The following CACNA1A variants were observed in gnomAD, a reference collection of about 807,000 sequenced individuals.
CACNA1A encodes the protein voltage-dependent P/Q-type calcium channel subunit alpha-1A.
A neutral mutation model predicts 262.4 loss-of-function variants in CACNA1A; 57 were observed. That is an observed-to-expected ratio of 0.22 (90% CI 0.18 to 0.27). The LOEUF (loss-of-function observed/expected upper bound fraction) is 0.27, where lower values mean the gene tolerates loss of function less well. Ranked by LOEUF, CACNA1A falls within the 10% of genes least tolerant of loss-of-function variation. CACNA1A has a pLI of 1.00. For synonymous variants in CACNA1A, 1,431 were observed against 1,419.3 expected (o/e 1.01, Z -0.18); for missense variants, 2,526 against 3,562.8 (o/e 0.71, Z 7.41).
intron 5 of CACNA1A, among the ~76,000 whole-genome samples, chr19:13,360,265 G>GTGTGTATA (rs941666561): frequency 2.8e-4 from 35 of 124,222 alleles, no homozygotes; most frequent in African/African-American, 1.1e-3. Flanking sequence ...GTGTGTGTGT[G>GTGTGTATA]TATATATATA....
chr19:13,446,120 C>CA (rs1162036614), intron 3 of CACNA1A, among the ~76,000 whole-genome samples: 2 of 151,774 alleles, frequency 1.3e-5, no homozygotes, highest in Non-Finnish European at 2.9e-5. Flanking sequence ...ACTAAAAATA[C>CA]AAAAATTAGC....
chr19:13,420,629 G>T (rs1288620958), intron 3 of CACNA1A, among the ~76,000 whole-genome samples: 1 of 152,238 alleles, frequency 6.6e-6, no homozygotes, highest in East Asian at 1.9e-4. Flanking sequence ...AGTTGTCAAG[G>T]TGGCTCTGCT....
At chr19:13,456,481 G>A (rs995005799) in intron 1 of CACNA1A, among the ~76,000 whole-genome samples, 6 of 151,942 alleles carry the variant, frequency 3.9e-5, no homozygotes, top group Non-Finnish European at 7.4e-5. Flanking sequence ...GACCATCCTG[G>A]CTAACACGGT....
intron 22 of CACNA1A, among the ~76,000 whole-genome samples, chr19:13,278,464 T>C (rs2057204531): frequency 6.6e-6 from 1 of 152,186 alleles, no homozygotes; most frequent in Non-Finnish European, 1.5e-5. Flanking sequence ...AAATAACACT[T>C]TCCCAGTGAG....
chr19:13,464,739 G>A (rs191774973), intron 1 of CACNA1A, among the ~76,000 whole-genome samples: 2,005 of 149,926 alleles, frequency 0.013, 15 homozygotes, highest in Non-Finnish European at 0.019. Flanking sequence ...TAGTAGAGAC[G>A]GGGTTTCACC....
intron 1 of CACNA1A, among the ~76,000 whole-genome samples, chr19:13,485,547 A>G (rs1348425145): frequency 6.6e-6 from 1 of 152,182 alleles, no homozygotes; most frequent in Non-Finnish European, 1.5e-5. Flanking sequence ...AAAGTGACCT[A>G]ATCAAAAATG....
At chr19:13,329,136 C>G (rs1490370415) in intron 10 of CACNA1A, among the ~76,000 whole-genome samples, 1 of 152,200 alleles carries the variant, frequency 6.6e-6, no homozygotes, top group Non-Finnish European at 1.5e-5. Flanking sequence ...AACATCATCA[C>G]AGCCAATGAA....
Position 13,207,732 on chromosome 19 carries a change from C to A in CACNA1A, c.7102G>T (p.Glu2368Ter). 1 of 1,369,994 alleles carries A rather than the reference C, an allele frequency of 7.3e-7. No individual in the cohort carries two copies. Among genetic ancestry groups the A allele is most frequent in the Non-Finnish European group, 9.4e-7 (1 of 1,068,360 alleles). 84.9% of individuals were successfully genotyped at this position (1,369,994 alleles called of 1,614,324 possible). A position where few individuals can be genotyped will look rare whatever the true frequency, so the allele number is the denominator to read the frequency against. The change falls in exon 47 of 47, where the codon GAG (glutamate) becomes TAG (stop). Residue 2368 changes from glutamate to a stop codon, truncating the protein, a stop_gained. Coordinates refer to ENST00000360228, the MANE Select transcript of CACNA1A (RefSeq NM_001127222.2). LOFTEE classifies it low-confidence loss of function (END_TRUNC). This position sits in a 1 kb window ranked among gnomAD's most constrained non-coding sequence, Gnocchi z 5.7. ...GHSSGRSPRM[E>*]RRVPGPARSE... Reference sequence around the variant, plus strand: ...CGGGCCGGGCCTGGGACCCGCCTCTCCATCCTGGGCGAGCGGCCGCTGCTG... The same window carrying A: ...CGGGCCGGGCCTGGGACCCGCCTCTACATCCTGGGCGAGCGGCCGCTGCTG...
At chr19:13,322,116 G>T (rs12459531) in intron 10 of CACNA1A, among the ~76,000 whole-genome samples, 88,011 of 150,318 alleles carry the variant, frequency 0.59, 28,230 homozygotes, top group East Asian at 0.96. Context: ...GTGGGAGGAC[G>T]GCATGAGCCT....
intron 1 of CACNA1A, among the ~76,000 whole-genome samples, chr19:13,493,633 G>T (rs987942407): frequency 1.3e-5 from 2 of 152,210 alleles, no homozygotes; most frequent in Admixed American, 1.3e-4. Flanking sequence ...TCCTTCTACA[G>T]ATTCAAAGAA....
chr19:13,313,982 G>A (rs1024477463), intron 11 of CACNA1A, among the ~76,000 whole-genome samples: 1 of 152,182 alleles, frequency 6.6e-6, no homozygotes, highest in African/African-American at 2.4e-5. Flanking sequence ...ATCCTGTGTT[G>A]TGAGTGACCT....
chr19:13,398,773 T>C (rs528254120), intron 3 of CACNA1A, among the ~76,000 whole-genome samples: 24 of 152,236 alleles, frequency 1.6e-4, no homozygotes, highest in Non-Finnish European at 3.4e-4. Flanking sequence ...TGATCATTCA[T>C]GAGAAGTGCT....
chr19:13,388,655 C>T (rs1001991864), intron 3 of CACNA1A, among the ~76,000 whole-genome samples: 6 of 152,082 alleles, frequency 3.9e-5, no homozygotes, highest in African/African-American at 9.7e-5. Flanking sequence ...GTCTGTATGA[C>T]GCCTGTCTCT....
Position 13,489,003 on chromosome 19 carries a change from C to CTTTTTTTT in CACNA1A, c.293+16921_293+16928dup, listed in dbSNP as rs896790084. Among the ~76,000 whole-genome samples the CTTTTTTTT allele has an allele frequency of 5.0e-3, 379 of 75,200 alleles. 83 individuals carry two copies. Among genetic ancestry groups the CTTTTTTTT allele is most frequent in the African/African-American group, 0.025 (350 of 13,764 alleles). 49.3% of individuals were successfully genotyped at this position (75,200 alleles called of 152,430 possible). A position where few individuals can be genotyped will look rare whatever the true frequency, so the allele number is the denominator to read the frequency against. On this transcript the variant is annotated intron_variant, in intron 1 of 46. Transcript: ENST00000360228. ...TATTGTAATTAATTTCTTTTCTTTT[C>CTTTTTTTT]TTTTTTTTTTTTTTTTTTTTTTTTT...
intron 12 of CACNA1A, among the ~76,000 whole-genome samples, chr19:13,310,214 G>A (rs1286848485): frequency 6.6e-6 from 1 of 151,654 alleles, no homozygotes; most frequent in Non-Finnish European, 1.5e-5. Flanking sequence ...CCAGCACTTT[G>A]GGAGGCCAGG....
intron 1 of CACNA1A, among the ~76,000 whole-genome samples, chr19:13,481,608 G>A (rs1180216389): frequency 1.3e-5 from 2 of 152,170 alleles, no homozygotes; most frequent in African/African-American, 4.8e-5. Flanking sequence ...AGGATGCACG[G>A]CCAGTACAGC....
At chr19:13,486,249 A>G (rs1979967800) in intron 1 of CACNA1A, among the ~76,000 whole-genome samples, 1 of 152,174 alleles carries the variant, frequency 6.6e-6, no homozygotes, top group Non-Finnish European at 1.5e-5. Context: ...GATGAGCATG[A>G]GGGAGAATCT....
Position 13,212,533 on chromosome 19 carries a change from G to C in CACNA1A, c.6051-11C>G, listed in dbSNP as rs759586410. ...CTTTCGTGAGCCATCCTGCATGGGGGACAGAGGCCGGGGTAGCAGTGGGCG... is the reference window on the plus strand; with the variant it reads ...CTTTCGTGAGCCATCCTGCATGGGGCACAGAGGCCGGGGTAGCAGTGGGCG... On this transcript the variant is annotated splice_polypyrimidine_tract_variant and intron_variant, in intron 41 of 46. Coordinates refer to ENST00000360228, the MANE Select transcript of CACNA1A (RefSeq NM_001127222.2). This position sits in a 1 kb window ranked among gnomAD's most constrained non-coding sequence, Gnocchi z 5.6. The C allele has an allele frequency of 6.4e-7, 1 of 1,558,548 alleles. No homozygotes were observed.
At chr19:13,289,261 C>T (rs1416873265) in intron 19 of CACNA1A, among the ~76,000 whole-genome samples, 2 of 151,824 alleles carry the variant, frequency 1.3e-5, no homozygotes, top group African/African-American at 4.8e-5. Context: ...CCCACCTCAG[C>T]CTTCCCAGTA....
Sources: gnomAD v4.1 joint callset for allele counts (sites outside exome capture counted in the v4.1 genomes callset) on GRCh38, gnomAD v4.1.1 for gene constraint, Gnocchi (gnomAD v3.1) non-coding constraint, MANE v1.5 for transcripts, NCBI Gene and HGNC (gene_info 2026-07-23, HGNC 2026-07-21) for gene names.